Variants in SPOPL observed in about 807,000 individuals in gnomAD.
SPOPL encodes speckle-type POZ protein-like.
A neutral mutation model predicts 53.8 loss-of-function variants in SPOPL; 23 were observed. That is an observed-to-expected ratio of 0.43 (90% CI 0.31 to 0.61). The LOEUF (loss-of-function observed/expected upper bound fraction) is 0.61, where lower values mean the gene tolerates loss of function less well. Among genes scored for constraint, SPOPL ranks in the 20% least tolerant of loss-of-function variants. The probability of loss-of-function intolerance (pLI) is 0.12; values close to 1 mark genes in which losing one functional copy is unlikely to be tolerated. For missense variants in SPOPL, 442 were observed against 466.9 expected, an observed-to-expected ratio of 0.95 and a Z score of 0.49; for synonymous variants, 164 against 149.7, an observed-to-expected ratio of 1.10 and a Z score of -0.70.
intron 1 of SPOPL, among the ~76,000 whole-genome samples, chr2:138,543,639 A>AT (rs1201944487): frequency 6.6e-6 from 1 of 151,700 alleles, no homozygotes; most frequent in Non-Finnish European, 1.5e-5. Context: ...CATTCGTCTA[A>AT]TTTTTTTTCA....
chr2:138,538,841 G>T (rs1024016988), intron 1 of SPOPL, among the ~76,000 whole-genome samples: 1 of 151,674 alleles, frequency 6.6e-6, no homozygotes, highest in African/African-American at 2.4e-5. Flanking sequence ...TTGGTGTGCT[G>T]CACCCATTAA....
chr2:138,533,319 G>A (rs1465281153), intron 1 of SPOPL, among the ~76,000 whole-genome samples: 1 of 152,068 alleles, frequency 6.6e-6, no homozygotes, highest in African/African-American at 2.4e-5. Flanking sequence ...ATAGAATACA[G>A]CTCAGGGAAT....
intron 1 of SPOPL, among the ~76,000 whole-genome samples, chr2:138,504,505 A>T (rs768600913): frequency 1.3e-5 from 2 of 152,216 alleles, no homozygotes; most frequent in African/African-American, 4.8e-5. Flanking sequence ...GATAAAATTG[A>T]CATTTAACAT....
At chr2:138,521,122 C>T (rs1281733640) in intron 1 of SPOPL, among the ~76,000 whole-genome samples, 1 of 152,060 alleles carries the variant, frequency 6.6e-6, no homozygotes, top group African/African-American at 2.4e-5. Context: ...CTGCAGTGAC[C>T]TGTAGTTGGT....
chr2:138,514,529 T>C (rs1684397934), intron 1 of SPOPL, among the ~76,000 whole-genome samples: 1 of 152,202 alleles, frequency 6.6e-6, no homozygotes, highest in South Asian at 2.1e-4. Context: ...CCTGTAGCAA[T>C]AGTTTATTCT....
intron 1 of SPOPL, among the ~76,000 whole-genome samples, chr2:138,514,935 A>G (rs142917923): frequency 6.6e-6 from 1 of 152,024 alleles, no homozygotes; most frequent in East Asian, 1.9e-4. Context: ...TGGGTAGGCT[A>G]TTTTCTCAAA....
rs969144577 is a variant in SPOPL at position 138,571,087 on chromosome 2, A to G, written c.*2007A>G. On this transcript the variant is annotated 3_prime_UTR_variant, in exon 11 of 11. Coordinates refer to ENST00000280098, the MANE Select transcript of SPOPL (RefSeq NM_001001664.3). ...AGATTGAGCCTCAAGTTTGCAATAT[A>G]CAATTTTAAAAATACACATACATAC... The G allele has an allele frequency of 1.6e-4, 24 of 152,174 alleles. No homozygotes were observed. The highest frequency in any genetic ancestry group is 2.9e-4 in the Non-Finnish European group (20 of 68,010). 9.4% of individuals were successfully genotyped at this position (152,174 alleles called of 1,614,324 possible).
chr2:138,534,347 A>G (rs1558869500), intron 1 of SPOPL, among the ~76,000 whole-genome samples: 2 of 152,240 alleles, frequency 1.3e-5, no homozygotes, highest in Admixed American at 6.5e-5. Flanking sequence ...CTATTTACAT[A>G]GCATTTACAT....
chr2:138,543,764 T>C (rs921366958), intron 1 of SPOPL, among the ~76,000 whole-genome samples: 1 of 152,220 alleles, frequency 6.6e-6, no homozygotes, highest in Non-Finnish European at 1.5e-5. Context: ...CCAGCTTTGT[T>C]CTGTTGCTAG....
chr2:138,518,287 GT>G (rs1176521130), intron 1 of SPOPL, among the ~76,000 whole-genome samples: 1 of 152,046 alleles, frequency 6.6e-6, no homozygotes, highest in East Asian at 1.9e-4. Flanking sequence ...AGATGAATTT[GT>G]TTTAAAACTA....
chr2:138,564,653 A>G (rs1685620129), intron 8 of SPOPL, 55 bp from the exon 9 acceptor site: 1 of 1,597,978 alleles, frequency 6.3e-7, no homozygotes, highest in Non-Finnish European at 8.5e-7. Flanking sequence ...TGTATCATGT[A>G]TTCAGGAACT....
At chr2:138,524,398 G>A (rs1479415169) in intron 1 of SPOPL, among the ~76,000 whole-genome samples, 1 of 152,218 alleles carries the variant, frequency 6.6e-6, no homozygotes, top group Non-Finnish European at 1.5e-5. Context: ...ACATGCCCTG[G>A]AGACATTTTC....
intron 3 of SPOPL, 99 bp from the exon 4 acceptor site, chr2:138,550,803 GA>G: frequency 7.0e-7 from 1 of 1,423,138 alleles, no homozygotes; most frequent in Non-Finnish European, 9.5e-7. Context: ...ATTAACACAT[GA>G]TTTCAGTGTT....
At chr2:138,522,430 G>T (rs1684579286) in intron 1 of SPOPL, among the ~76,000 whole-genome samples, 1 of 152,136 alleles carries the variant, frequency 6.6e-6, no homozygotes. Context: ...TAAGGTAAAT[G>T]AAGGTATTTG....
At chr2:138,563,446 C>T (rs1205282064) in intron 8 of SPOPL, among the ~76,000 whole-genome samples, 1 of 152,198 alleles carries the variant, frequency 6.6e-6, no homozygotes, top group Non-Finnish European at 1.5e-5. Flanking sequence ...TGTGCCACTG[C>T]ACTCCAGCCT....
chr2:138,544,214 C>G (rs1346143048), intron 1 of SPOPL, among the ~76,000 whole-genome samples: 2 of 152,194 alleles, frequency 1.3e-5, no homozygotes, highest in Non-Finnish European at 2.9e-5. Context: ...TGTCTGTTCT[C>G]AGATGTCCAG....
At chr2:138,525,158 C>T (rs955690791) in intron 1 of SPOPL, among the ~76,000 whole-genome samples, 3 of 152,192 alleles carry the variant, frequency 2.0e-5, no homozygotes, top group African/African-American at 7.2e-5. Flanking sequence ...GGGGAAGCCT[C>T]ACAATCATGG....
chr2:138,524,552 T>A (rs1178870542), intron 1 of SPOPL, among the ~76,000 whole-genome samples: 1 of 152,210 alleles, frequency 6.6e-6, no homozygotes, highest in East Asian at 1.9e-4. Flanking sequence ...ACTCTTTCCC[T>A]TATAAAACTG....
chr2:138,517,969 A>T (rs763832984), intron 1 of SPOPL, among the ~76,000 whole-genome samples: 1 of 150,246 alleles, frequency 6.7e-6, no homozygotes, highest in Admixed American at 6.7e-5. Context: ...AATCACTTGA[A>T]CCTAGGAGGC....
Sources: gnomAD v4.1 joint callset for allele counts (sites outside exome capture counted in the v4.1 genomes callset) on GRCh38, gnomAD v4.1.1 for gene constraint, MANE v1.5 for transcripts, NCBI Gene and HGNC (gene_info 2026-07-23, HGNC 2026-07-21) for gene names.